The following SPATA9 variants were observed in gnomAD, a reference collection of about 807,000 sequenced individuals.
SPATA9 encodes spermatogenesis associated 9.
A neutral mutation model predicts 25.5 loss-of-function variants in SPATA9; 27 were observed. The observed-to-expected ratio is 1.06, with a 90% CI of 0.78 to 1.46. The LOEUF (loss-of-function observed/expected upper bound fraction) is 1.46. SPATA9 is among the 40% of genes most tolerant of loss of function. SPATA9 has a pLI of 0.00. For synonymous variants in SPATA9, 102 were observed against 105.7 expected, an observed-to-expected ratio of 0.97 and a Z score of 0.21; for missense variants, 282 against 297.5, an observed-to-expected ratio of 0.95 and a Z score of 0.38.
the SPATA9 span, among the ~76,000 whole-genome samples, chr5:95,712,066 A>G: frequency 1.3e-5 from 2 of 152,352 alleles, no homozygotes; most frequent in African/African-American, 2.4e-5. Context: ...CAACCCTTGC[A>G]AGGCCGGGAC....
chr5:95,671,889 G>A (rs757952326), intron 3 of SPATA9, among the ~76,000 whole-genome samples: 25 of 148,460 alleles, frequency 1.7e-4, no homozygotes, highest in Middle Eastern at 3.4e-3. Flanking sequence ...TAGGGTACAT[G>A]TACCCTAAAA....
At chr5:95,656,819 C>T (rs980374747), downstream of SPATA9, 15 of 152,708 alleles carry the variant, frequency 9.8e-5, no homozygotes, top group African/African-American at 3.6e-4. Context: ...GGATTTGCTA[C>T]CTCTCCTATT....
intron 1 of SPATA9, among the ~76,000 whole-genome samples, chr5:95,692,982 T>C (rs2112707767): frequency 6.6e-6 from 1 of 152,354 alleles, no homozygotes; most frequent in East Asian, 1.9e-4. Context: ...GCCCACTAAT[T>C]TTTGCCTGTT....
upstream of SPATA9, among the ~76,000 whole-genome samples, chr5:95,700,126 T>A (rs1284467563): frequency 2.0e-5 from 3 of 152,288 alleles, no homozygotes; most frequent in East Asian, 5.8e-4. Flanking sequence ...TAAAGCAGTG[T>A]CTCATGTTGT....
At chr5:95,653,981 C>T, downstream of SPATA9, 1 of 1,159,514 alleles carries the variant, frequency 8.6e-7, no homozygotes, top group Non-Finnish European at 1.2e-6. Flanking sequence ...CCGAACTATT[C>T]ATTCTTAGGG....
At chr5:95,723,514 C>T in the SPATA9 span, among the ~76,000 whole-genome samples, 1 of 152,234 alleles carries the variant, frequency 6.6e-6, no homozygotes, top group Non-Finnish European at 1.5e-5. Context: ...TAGTTACTCT[C>T]ATGAAGTACG....
At chr5:95,664,738 A>T (rs1294909256) in intron 3 of SPATA9, among the ~76,000 whole-genome samples, 2 of 152,212 alleles carry the variant, frequency 1.3e-5, no homozygotes, top group African/African-American at 4.8e-5. Flanking sequence ...TAGGAAATAC[A>T]TTCCCTTTCC....
intron 3 of SPATA9, among the ~76,000 whole-genome samples, chr5:95,673,882 T>C (rs1752653992): frequency 1.3e-5 from 2 of 152,144 alleles, no homozygotes; most frequent in African/African-American, 2.4e-5. Flanking sequence ...TAGCTGGGAT[T>C]ACAGGCACAC....
chr5:95,678,011 C>A (rs1753103916), intron 2 of SPATA9, among the ~76,000 whole-genome samples: 1 of 152,172 alleles, frequency 6.6e-6, no homozygotes, highest in African/African-American at 2.4e-5. Context: ...AGGCTATTAT[C>A]TGGGCTGGTT....
At chr5:95,704,514 C>A in the SPATA9 span, among the ~76,000 whole-genome samples, 2 of 151,958 alleles carry the variant, frequency 1.3e-5, no homozygotes, top group African/African-American at 4.8e-5. Flanking sequence ...TGTTACATGT[C>A]AATCTATAAA....
chr5:95,703,399 C>T (rs192154893), upstream of SPATA9, among the ~76,000 whole-genome samples: 212 of 152,170 alleles, frequency 1.4e-3, 5 homozygotes, highest in South Asian at 0.041. Flanking sequence ...TTTTGGAGGC[C>T]GAGACAGGTG....
the SPATA9 span, among the ~76,000 whole-genome samples, chr5:95,725,967 A>C: frequency 6.6e-6 from 1 of 152,260 alleles, no homozygotes; most frequent in African/African-American, 2.4e-5. Context: ...TCTCTACTAC[A>C]GCTTTTCTTT....
chr5:95,658,415 T>G lies in SPATA9; in HGVS notation c.*208A>C, dbSNP rs937319976. On this transcript the variant is annotated 3_prime_UTR_variant, in exon 5 of 5. Transcript: ENST00000274432. The stretch of plus-strand genomic sequence containing the variant: ...TGGATTTTCTTGTTCATTAAAAGTA[T>G]GTAGTCAGTACATATATTCCACATC... The G allele has an allele frequency of 1.6e-5, 7 of 444,818 alleles. No individual in the cohort carries two copies. The highest frequency in any genetic ancestry group is 2.2e-5 in the Non-Finnish European group (6 of 276,170). 27.6% of individuals were successfully genotyped at this position (444,818 alleles called of 1,614,324 possible).
In SPATA9 at chr5:95,669,594, C is replaced by T. The variant is rs181498451; in HGVS notation, c.379-5546G>A. ...ATGCATACAAAGTAAAAACAGTCAA[C>T]TCTAATGCCATTATAGGGATGAGTC... On this transcript the variant is annotated intron_variant, in intron 3 of 4. Coordinates refer to ENST00000274432, the MANE Select transcript of SPATA9 (RefSeq NM_031952.4). Among the ~76,000 whole-genome samples, 15 of 152,326 alleles carry T rather than the reference C, an allele frequency of 9.8e-5. No homozygotes were observed. The East Asian group carries it at 2.9e-3, about 29-fold the overall frequency.
chr5:95,687,207 A>G (rs1344361077), upstream of SPATA9, among the ~76,000 whole-genome samples: 2 of 152,224 alleles, frequency 1.3e-5, no homozygotes, highest in Admixed American at 6.5e-5. Context: ...AAAAATACTT[A>G]GGAGACAGCA....
intron 4 of SPATA9, 124 bp from the exon 5 acceptor site, chr5:95,659,037 T>C (rs1329505752): frequency 1.6e-6 from 2 of 1,216,330 alleles, no homozygotes; most frequent in Non-Finnish European, 2.2e-6. Context: ...AAAAAACACT[T>C]CTTTTCAGGA....
the SPATA9 span, chr5:95,731,856 C>T: frequency 3.5e-5 from 57 of 1,611,226 alleles, no homozygotes; most frequent in East Asian, 1.2e-3. Flanking sequence ...TCTGTCCGTG[C>T]AGGTCCATCC....
the SPATA9 span, among the ~76,000 whole-genome samples, chr5:95,712,811 C>T: frequency 6.6e-6 from 1 of 152,120 alleles, no homozygotes; most frequent in Admixed American, 6.6e-5. Context: ...TGTTTTAAGC[C>T]CCTAAACTTT....
intron 1 of SPATA9, 26 bp downstream of exon 1, chr5:95,682,768 G>T: frequency 6.5e-7 from 1 of 1,537,656 alleles, no homozygotes; most frequent in Non-Finnish European, 8.7e-7. Context: ...ACACCCATAC[G>T]CCCTTTACAA....
Sources: gnomAD v4.1 joint callset for allele counts (sites outside exome capture counted in the v4.1 genomes callset) on GRCh38, gnomAD v4.1.1 for gene constraint, MANE v1.5 for transcripts, NCBI Gene and HGNC (gene_info 2026-07-23, HGNC 2026-07-21) for gene names.